SNX29: variants seen among roughly 807,000 people sequenced by gnomAD.
SNX29 encodes sorting nexin 29, also known as sorting nexin-29.
In SNX29, 78 loss-of-function variants were observed where a neutral mutation model predicts 102.1. The ratio of observed to expected loss-of-function variants is 0.76; its 90% CI spans 0.64 to 0.92. The LOEUF (loss-of-function observed/expected upper bound fraction) is 0.92. Ranked by LOEUF, SNX29 falls within the 40% of genes least tolerant of loss-of-function variation. SNX29 has a pLI of 0.00. For synonymous variants in SNX29, 580 were observed against 414.5 expected (o/e 1.40, Z -4.85); for missense variants, 1,280 against 1,061.7 (o/e 1.21, Z -2.86).
At chr16:12,223,600 G>A (rs2077533864) in intron 14 of SNX29, among the ~76,000 whole-genome samples, 2 of 152,348 alleles carry the variant, frequency 1.3e-5, no homozygotes, top group South Asian at 4.1e-4. Context: ...GGAGATGGAG[G>A]TTGCAGTGAG....
At chr16:12,530,017 T>C (rs1226737707) in intron 20 of SNX29, among the ~76,000 whole-genome samples, 1 of 152,204 alleles carries the variant, frequency 6.6e-6, no homozygotes, top group East Asian at 1.9e-4. Flanking sequence ...TTCAGTAAAG[T>C]GTCCATGCAT....
intron 14 of SNX29, among the ~76,000 whole-genome samples, chr16:12,204,589 A>G (rs1701112): frequency 1 from 152,002 of 152,340 alleles, 75,832 homozygotes; most frequent in Middle Eastern, 1. Context: ...GAGAGAGGGA[A>G]AAGGAATAGA....
intron 11 of SNX29, among the ~76,000 whole-genome samples, chr16:12,114,905 G>A (rs912631061): frequency 5.9e-5 from 9 of 152,078 alleles, no homozygotes; most frequent in Non-Finnish European, 1.2e-4. Flanking sequence ...CACCTGCTTC[G>A]TGGCGTGATT....
chr16:12,202,625 C>T (rs2076940328), intron 14 of SNX29, among the ~76,000 whole-genome samples: 1 of 152,212 alleles, frequency 6.6e-6, no homozygotes, highest in Non-Finnish European at 1.5e-5. Flanking sequence ...CACCCTTTCT[C>T]CTCGCCACGG....
chr16:12,036,591 C>T (rs1199468947), intron 4 of SNX29, among the ~76,000 whole-genome samples: 1 of 152,180 alleles, frequency 6.6e-6, no homozygotes, highest in Non-Finnish European at 1.5e-5. Context: ...GCCTCGGCCT[C>T]CCAAAGTGCT....
chr16:12,512,395 TATATATATATATATATATATATA>T (rs1187136657), intron 19 of SNX29, among the ~76,000 whole-genome samples: 3,655 of 86,944 alleles, frequency 0.042, 233 homozygotes, highest in African/African-American at 0.12. Flanking sequence ...TATATATATA[TATATATATATATATATATATATA>T]GTTTTCGGTT....
intron 13 of SNX29, among the ~76,000 whole-genome samples, chr16:12,193,465 ATCT>A (rs2076695302): frequency 1.5e-5 from 1 of 65,298 alleles, no homozygotes; most frequent in Non-Finnish European, 4.8e-5. Context: ...GTGAAACTCC[ATCT>A]TCAAAAAAAA....
chr16:12,558,041 C>T (rs1005748799), intron 20 of SNX29, among the ~76,000 whole-genome samples: 1 of 152,128 alleles, frequency 6.6e-6, no homozygotes, highest in African/African-American at 2.4e-5. Context: ...AGGTAATTGG[C>T]CGGGATTACA....
At chr16:12,395,989 C>T (rs1567520228) in intron 16 of SNX29, among the ~76,000 whole-genome samples, 1 of 152,140 alleles carries the variant, frequency 6.6e-6, no homozygotes, top group Non-Finnish European at 1.5e-5. Flanking sequence ...TTAGAAAGTT[C>T]CCAAATTCTT....
chr16:12,366,177 T>C (rs1439234751), intron 16 of SNX29, among the ~76,000 whole-genome samples: 2 of 151,534 alleles, frequency 1.3e-5, no homozygotes, highest in Non-Finnish European at 2.9e-5. Context: ...GGATTAGAGA[T>C]AGTTTGATAG....
At chr16:12,267,755 C>A (rs891106058) in intron 14 of SNX29, among the ~76,000 whole-genome samples, 3 of 152,206 alleles carry the variant, frequency 2.0e-5, no homozygotes, top group African/African-American at 7.2e-5. Context: ...GAGCTGTTTA[C>A]TCCCTGGCTT....
intron 11 of SNX29, among the ~76,000 whole-genome samples, chr16:12,112,144 A>G (rs1477222183): frequency 6.6e-6 from 1 of 152,126 alleles, no homozygotes; most frequent in South Asian, 2.1e-4. Context: ...CAACTGCCCA[A>G]CTGTACCTTC....
intron 13 of SNX29, among the ~76,000 whole-genome samples, chr16:12,190,577 TG>T (rs2076617318): frequency 6.6e-6 from 1 of 152,142 alleles, no homozygotes; most frequent in Admixed American, 6.5e-5. Flanking sequence ...ACCAGGGGCC[TG>T]GGGCAGATGG....
At chr16:12,478,197 G>A (rs1350074170) in intron 19 of SNX29, among the ~76,000 whole-genome samples, 2 of 152,178 alleles carry the variant, frequency 1.3e-5, no homozygotes, top group South Asian at 2.1e-4. Flanking sequence ...GTAAGCAACC[G>A]TAGACAGTAC....
At position 12,291,976 on chromosome 16, in the gene SNX29, G is replaced by A. The variant is rs549872630; in HGVS notation, c.1782+13940G>A. 2.3e-4 allele frequency among the ~76,000 whole-genome samples: 35 copies of A among 152,306 alleles called. No individual in the cohort carries two copies. In the East Asian group the frequency reaches 2.3e-3, roughly 10 times the overall value. On this transcript the variant is annotated intron_variant, in intron 15 of 20. Coordinates refer to ENST00000566228, the MANE Select transcript of SNX29 (RefSeq NM_032167.5). ...CTCACAGCCTACTAGTAGAGTTAGCGTCATAAAACAGTAATTTTTAGCAGC... is the reference window on the plus strand; with the variant it reads ...CTCACAGCCTACTAGTAGAGTTAGCATCATAAAACAGTAATTTTTAGCAGC...
intron 16 of SNX29, among the ~76,000 whole-genome samples, chr16:12,358,764 A>C (rs1324540139): frequency 2.6e-5 from 4 of 152,110 alleles, no homozygotes; most frequent in African/African-American, 9.7e-5. Context: ...CTTTTTATCC[A>C]ATCACGTTGT....
chr16:12,109,713 C>T (rs561418002), intron 11 of SNX29, among the ~76,000 whole-genome samples: 1 of 151,314 alleles, frequency 6.6e-6, no homozygotes, highest in East Asian at 2.0e-4. Context: ...AAGGGTTAAC[C>T]TGTTGAGCTT....
intron 17 of SNX29, among the ~76,000 whole-genome samples, chr16:12,400,931 T>G (rs2083915044): frequency 6.6e-6 from 1 of 152,182 alleles, no homozygotes; most frequent in Non-Finnish European, 1.5e-5. Context: ...CATGCCATTC[T>G]CCTGCTTCAG....
At chr16:12,528,981 C>G (rs769782923) in intron 20 of SNX29, among the ~76,000 whole-genome samples, 1 of 152,214 alleles carries the variant, frequency 6.6e-6, no homozygotes, top group African/African-American at 2.4e-5. Context: ...TTCACACACA[C>G]TCTTCCATTT....
Sources: gnomAD v4.1 joint callset for allele counts (sites outside exome capture counted in the v4.1 genomes callset) on GRCh38, gnomAD v4.1.1 for gene constraint, MANE v1.5 for transcripts, NCBI Gene and HGNC (gene_info 2026-07-23, HGNC 2026-07-21) for gene names.